The following SCARB1 variants were observed in gnomAD, a reference collection of about 807,000 sequenced individuals.
SCARB1 encodes the protein scavenger receptor class B member 1, also known as CD36 and LIMPII analogous 1.
SCARB1 carries 30 observed loss-of-function variants against 57.2 expected under a neutral mutation model. The observed-to-expected ratio is 0.52, with a 90% CI of 0.39 to 0.71. The LOEUF is 0.71. SCARB1 is among the 30% of genes least tolerant of loss of function. SCARB1 has a pLI of 0.00. For missense variants in SCARB1, 543 were observed against 671.2 expected (o/e 0.81, Z 2.11); for synonymous variants, 249 against 268.3 (o/e 0.93, Z 0.70).
intron 1 of SCARB1, chr12:124,821,480 T>A: frequency 1.2e-6 from 1 of 845,740 alleles, no homozygotes; most frequent in Non-Finnish European, 1.4e-6. Context: ...TGTCTCAATC[T>A]CTCTCTCTCT....
chr12:124,818,206 T>C (rs917749065), intron 1 of SCARB1, among the ~76,000 whole-genome samples: 3 of 152,078 alleles, frequency 2.0e-5, no homozygotes, highest in Non-Finnish European at 4.4e-5. Flanking sequence ...GGCTTTACCA[T>C]AGCGGAGGAA....
chr12:124,832,666 C>G (rs1348047440), intron 1 of SCARB1, among the ~76,000 whole-genome samples: 1 of 152,154 alleles, frequency 6.6e-6, no homozygotes, highest in African/African-American at 2.4e-5. Flanking sequence ...CATATTTATA[C>G]TTTTTCCAGA....
At chr12:124,842,213 G>A (rs893612129) in intron 1 of SCARB1, among the ~76,000 whole-genome samples, 3 of 152,214 alleles carry the variant, frequency 2.0e-5, no homozygotes, top group Non-Finnish European at 4.4e-5. Context: ...CCAGCCAGGA[G>A]CAAGAGGGCA....
At position 124,791,846 on chromosome 12, in the gene SCARB1, C is replaced by G. The variant is rs181907913; in HGVS notation, c.1202+3349G>C. ...TGGCGGGCACCTGTAATCCCAGCTA[C>G]GCGGGAGGCTGAGGCAGGAGAATCG... is the stretch of plus-strand genomic sequence containing the variant. On this transcript the variant is annotated intron_variant, in intron 9 of 12. Coordinates refer to ENST00000261693, the MANE Select transcript of SCARB1 (RefSeq NM_005505.5). Among the ~76,000 whole-genome samples the G allele has an allele frequency of 3.3e-5, 5 of 152,008 alleles. No homozygotes were observed. The South Asian group carries it at 1.0e-3, about 32-fold the overall frequency.
In SCARB1 at chr12:124,817,733, T is replaced by C. The variant is rs1950799239; in HGVS notation, c.127-26A>G. Reference sequence around the variant, plus strand: ...CTGCAGGGGAAGGGACAAGTACGCTTGTGAGGAGAGTGATGAGGGCCCCAC... The same window carrying C: ...CTGCAGGGGAAGGGACAAGTACGCTCGTGAGGAGAGTGATGAGGGCCCCAC... On this transcript the variant is annotated intron_variant, in intron 1 of 12. Coordinates refer to ENST00000261693, the MANE Select transcript of SCARB1 (RefSeq NM_005505.5). The surrounding 1 kb of genome is among the most constrained non-coding windows in gnomAD (Gnocchi z 4.8). The C allele has an allele frequency of 6.2e-7, 1 of 1,613,692 alleles. No homozygotes were observed. The highest frequency in any genetic ancestry group is 8.5e-7 in the Non-Finnish European group (1 of 1,179,832).
intron 7 of SCARB1, among the ~76,000 whole-genome samples, chr12:124,804,967 C>T (rs1950271625): frequency 6.6e-6 from 1 of 152,188 alleles, no homozygotes; most frequent in Non-Finnish European, 1.5e-5. Flanking sequence ...TGTATGAGTA[C>T]CCATTACATG....
intron 2 of SCARB1, among the ~76,000 whole-genome samples, chr12:124,815,648 C>T (rs555230154): frequency 5.3e-5 from 8 of 152,272 alleles, no homozygotes; most frequent in African/African-American, 1.4e-4. Context: ...GGCAGATCAC[C>T]TGATGTCAGG....
intron 8 of SCARB1, among the ~76,000 whole-genome samples, chr12:124,797,554 G>A (rs904791582): frequency 3.3e-5 from 5 of 152,228 alleles, no homozygotes; most frequent in African/African-American, 1.2e-4. Context: ...TAAAGTGGCT[G>A]CGGCAAAACA....
chr12:124,808,114 G>A (rs1223120539), intron 6 of SCARB1, among the ~76,000 whole-genome samples, 187 bp from the exon 7 acceptor site: 1 of 152,084 alleles, frequency 6.6e-6, no homozygotes, highest in Non-Finnish European at 1.5e-5. Context: ...CTCCGACTCT[G>A]CCTCCCCACC....
In SCARB1 at chr12:124,795,252, A is replaced by T; in HGVS notation, c.1145T>A (p.Met382Lys). The change falls in exon 9 of 13, where the codon ATG (methionine) becomes AAG (lysine). Residue 382 changes from methionine (M) to lysine (K), a missense_variant. Coordinates refer to ENST00000261693, the MANE Select transcript of SCARB1 (RefSeq NM_005505.5). ...LDIHPVTGIPMNCSVKLQLSL... is the reference protein window; with the variant it reads ...LDIHPVTGIPKNCSVKLQLSL... Reference sequence around the variant, plus strand: ...CAGCTGCAGTTTCACAGAGCAGTTCATGGGGATTCCCGTGACCTGCGGCAA... The same window carrying T: ...CAGCTGCAGTTTCACAGAGCAGTTCTTGGGGATTCCCGTGACCTGCGGCAA... 1 of 1,613,970 alleles carries T rather than the reference A, an allele frequency of 6.2e-7. No homozygotes were observed. The highest frequency in any genetic ancestry group is 8.5e-7 in the Non-Finnish European group (1 of 1,179,872).
intron 7 of SCARB1, among the ~76,000 whole-genome samples, chr12:124,801,001 A>T (rs1950110218): frequency 6.6e-6 from 1 of 152,116 alleles, no homozygotes; most frequent in Non-Finnish European, 1.5e-5. Flanking sequence ...TGCACCCAGG[A>T]ATTGGAGACC....
chr12:124,824,636 C>T (rs1366973291), intron 1 of SCARB1, among the ~76,000 whole-genome samples: 1 of 152,208 alleles, frequency 6.6e-6, no homozygotes, highest in Non-Finnish European at 1.5e-5. Flanking sequence ...AAAACAACTA[C>T]AGGCAAAGAT....
At chr12:124,856,333 G>A (rs912541706) in intron 1 of SCARB1, among the ~76,000 whole-genome samples, 2 of 152,226 alleles carry the variant, frequency 1.3e-5, no homozygotes, top group African/African-American at 4.8e-5. Flanking sequence ...CAAGGCAGGT[G>A]TGTGCATGCC....
At chr12:124,824,445 C>T (rs552654991) in intron 1 of SCARB1, among the ~76,000 whole-genome samples, 2 of 152,316 alleles carry the variant, frequency 1.3e-5, no homozygotes, top group Admixed American at 6.5e-5. Context: ...GGAACTAGAT[C>T]GTGGTAACGA....
intron 1 of SCARB1, among the ~76,000 whole-genome samples, chr12:124,855,228 C>T (rs1417708399): frequency 6.6e-6 from 1 of 152,172 alleles, no homozygotes; most frequent in Non-Finnish European, 1.5e-5. Flanking sequence ...CTTCCCCCTC[C>T]CCAGCACAGG....
chr12:124,811,906 C>G lies in SCARB1; in HGVS notation c.690G>C (p.Arg230Ser). Reference sequence around the variant, plus strand: ...CGTTCCACTTGTCCACGAGGTGGATCCTGCTGATGTTCTGGACCCCCGTGA... The same window carrying G: ...CGTTCCACTTGTCCACGAGGTGGATGCTGCTGATGTTCTGGACCCCCGTGA... ...TVFTGVQNIS[R>S]IHLVDKWNGL... The change falls in exon 5 of 13, where the codon AGG becomes AGC. Residue 230 changes from arginine (R) to serine (S), a missense_variant. Arg to Ser is a moderately radical substitution (Grantham distance 110). Transcript: ENST00000261693. 6.2e-7 allele frequency: 1 copy of G among 1,613,328 alleles called. No individual in the cohort carries two copies. Among genetic ancestry groups the G allele is most frequent in the Non-Finnish European group, 8.5e-7 (1 of 1,179,728 alleles).
In SCARB1 at chr12:124,782,732, A is replaced by G; in HGVS notation, c.1481T>C (p.Leu494Pro). 6.2e-7 allele frequency: 1 copy of G among 1,614,138 alleles called. No individual in the cohort carries two copies. ...AGAGCCCTTGGGAGCTGATGTCATC[A>G]GGGATTCAGAATAGGCCTGAATGGC... The part of the protein sequence containing the change: ...KEAIQAYSES[L>P]MTSAPKGSVL... The change falls in exon 12 of 13, where the codon CTG (leucine) becomes CCG (proline). Residue 494 changes from leucine (L) to proline (P), a missense_variant. Coordinates refer to ENST00000261693, the MANE Select transcript of SCARB1 (RefSeq NM_005505.5).
At chr12:124,856,085 A>G (rs1952611135) in intron 1 of SCARB1, among the ~76,000 whole-genome samples, 1 of 152,266 alleles carries the variant, frequency 6.6e-6, no homozygotes, top group Non-Finnish European at 1.5e-5. Flanking sequence ...CATTCCGGGA[A>G]GGGACAGGGA....
chr12:124,817,503 GC>G lies in SCARB1; in HGVS notation c.284+46del. 1.2e-6 allele frequency: 2 copies of G among 1,600,168 alleles called. No individual in the cohort carries two copies. Among genetic ancestry groups the G allele is most frequent in the South Asian group, 1.1e-5 (1 of 90,704 alleles). ...CCGTCCACTCTGAGACCCCTCCCCTGCCCAGCCTCAGCCGGCCCCTCCACCC... is the reference window on the plus strand; with the variant it reads ...CCGTCCACTCTGAGACCCCTCCCCTGCCAGCCTCAGCCGGCCCCTCCACCC... On this transcript the variant is annotated intron_variant, in intron 2 of 12. Coordinates refer to ENST00000261693, the MANE Select transcript of SCARB1 (RefSeq NM_005505.5). The surrounding 1 kb of genome is among the most constrained non-coding windows in gnomAD (Gnocchi z 4.8).
Sources: allele counts gnomAD v4.1 joint callset (sites outside exome capture counted in the v4.1 genomes callset), GRCh38; gene constraint gnomAD v4.1.1; non-coding constraint Gnocchi (gnomAD v3.1); transcripts MANE v1.5; gene names NCBI Gene and HGNC (gene_info 2026-07-23, HGNC 2026-07-21).